The following XPO6 variants were observed in gnomAD, a reference collection of about 807,000 sequenced individuals.
XPO6 encodes exportin 6, also known as exportin-6.
Under a neutral mutation model 130.0 loss-of-function variants are expected in XPO6, and 3 were observed. That is an observed-to-expected ratio of 0.02 (90% CI 0.01 to 0.06). The LOEUF (loss-of-function observed/expected upper bound fraction) is 0.06. XPO6 is among the 10% of genes least tolerant of loss of function. The probability of loss-of-function intolerance (pLI) is 1.00; values close to 1 mark genes in which losing one functional copy is unlikely to be tolerated. For missense variants in XPO6, 970 were observed against 1,393.0 expected, an observed-to-expected ratio of 0.70 and a Z score of 4.83; for synonymous variants, 524 against 548.9, an observed-to-expected ratio of 0.95 and a Z score of 0.63.
chr16:28,106,275 A>C lies in XPO6; in HGVS notation c.2613-61T>G. On this transcript the variant is annotated intron_variant, in intron 19 of 23. Transcript: ENST00000304658. This position sits in a 1 kb window ranked among gnomAD's most constrained non-coding sequence, Gnocchi z 4.2. The stretch of plus-strand genomic sequence containing the variant: ...TGTTTCTCTGGGGGCCAGCATGAAA[A>C]CCCATGCTGTGGCAAGTGCAGAACA... The C allele has an allele frequency of 6.2e-7, 1 of 1,606,508 alleles. No individual in the cohort carries two copies. The highest frequency in any genetic ancestry group is 8.5e-7 in the Non-Finnish European group (1 of 1,174,594).
At chr16:28,149,128 A>G (rs376037045) in intron 8 of XPO6, among the ~76,000 whole-genome samples, 1 of 151,952 alleles carries the variant, frequency 6.6e-6, no homozygotes, top group African/African-American at 2.4e-5. Context: ...CCCCCAGGGT[A>G]TACCATCTCA....
Position 28,101,684 on chromosome 16 carries a change from A to G in XPO6, c.3050T>C (p.Ile1017Thr). 1 of 1,605,920 alleles carries G rather than the reference A, an allele frequency of 6.2e-7. No homozygotes were observed. The highest frequency in any genetic ancestry group is 8.5e-7 in the Non-Finnish European group (1 of 1,173,512). The part of the protein sequence containing the change: ...NTKQKLYHKK[I>T]FRTAMLFQFV... Reference sequence around the variant, plus strand: ...CTGGAACAGCATGGCAGTCCGGAAGATCTTCTGCAGGCAGAGAGACCAGGT... The same window carrying G: ...CTGGAACAGCATGGCAGTCCGGAAGGTCTTCTGCAGGCAGAGAGACCAGGT... Residue 1017 changes from isoleucine (I) to threonine (T), a missense_variant, in exon 23 of 24, where the codon ATC becomes ACC. By Grantham distance (89) the Ile-to-Thr change is moderately conservative. Transcript: ENST00000304658. The surrounding 1 kb of genome is among the most constrained non-coding windows in gnomAD (Gnocchi z 5.4).
chr16:28,158,946 C>CA (rs2141831238), intron 6 of XPO6, among the ~76,000 whole-genome samples: 1 of 152,166 alleles, frequency 6.6e-6, no homozygotes, highest in African/African-American at 2.4e-5. Context: ...ACTATAACAA[C>CA]AGGCCAGGAG....
chr16:28,104,463 G>A (rs1167606028), intron 21 of XPO6, 83 bp downstream of exon 21: 11 of 1,532,710 alleles, frequency 7.2e-6, no homozygotes, highest in African/African-American at 1.4e-5. Context: ...TCAGACCCGA[G>A]ACTGTGGGGC....
chr16:28,152,929 C>G (rs761841297), intron 7 of XPO6, 144 bp from the exon 8 acceptor site: 2 of 1,372,502 alleles, frequency 1.5e-6, no homozygotes, highest in Non-Finnish European at 1.9e-6. Flanking sequence ...GCAACAATTA[C>G]CTACAGGACA....
At chr16:28,208,161 A>G (rs2044063585) in intron 1 of XPO6, among the ~76,000 whole-genome samples, 1 of 152,224 alleles carries the variant, frequency 6.6e-6, no homozygotes, top group African/African-American at 2.4e-5. Context: ...AAAGAAAGAA[A>G]AAACAAGTAA....
At chr16:28,103,541 CT>C (rs2086698899) in intron 21 of XPO6, among the ~76,000 whole-genome samples, 1 of 152,238 alleles carries the variant, frequency 6.6e-6, no homozygotes, top group Non-Finnish European at 1.5e-5. Flanking sequence ...ACACACTTAA[CT>C]TTAAAAGAAA....
Position 28,125,692 on chromosome 16 carries a change from T to C in XPO6, c.1763A>G (p.Glu588Gly). 6.2e-7 allele frequency: 1 copy of C among 1,613,738 alleles called. No individual in the cohort carries two copies. Among genetic ancestry groups the C allele is most frequent in the Non-Finnish European group, 8.5e-7 (1 of 1,179,786 alleles). ...CATAAGGTAACTGCCAGCCTACCTT[T>C]CCACGACTGTGAGGGCATCATTGAA... is the stretch of plus-strand genomic sequence containing the variant. ...ARFNDALTVV[E>G]RLVKVTLYGS... is the part of the protein sequence containing the mutation. The change falls in exon 13 of 24, where the codon GAA (glutamate) becomes GGA (glycine). Residue 588 changes from glutamate to glycine, a missense_variant. Glu to Gly is a moderately conservative substitution (Grantham distance 98). Coordinates refer to ENST00000304658, the MANE Select transcript of XPO6 (RefSeq NM_015171.4).
intron 14 of XPO6, among the ~76,000 whole-genome samples, chr16:28,118,481 C>A (rs1459818560): frequency 6.6e-6 from 1 of 152,088 alleles, no homozygotes; most frequent in Admixed American, 6.5e-5. Flanking sequence ...CTGCTTCAGC[C>A]TCCCAAGTAG....
rs1177502922 is a variant in XPO6, at chr16:28,098,423, C to G, written c.*115G>C. ...CGGCAGAGGCAGGCAGCGTTGCTTG[C>G]GGTGGGAGAAGCCAAGGAGTGTGAC... On this transcript the variant is annotated 3_prime_UTR_variant, in exon 24 of 24. Coordinates refer to ENST00000304658, the MANE Select transcript of XPO6 (RefSeq NM_015171.4). 12 of 863,302 alleles carry G rather than the reference C, an allele frequency of 1.4e-5. No individual in the cohort carries two copies. The East Asian group carries it at 3.1e-4, about 22-fold the overall frequency. 53.5% of individuals were successfully genotyped at this position (863,302 alleles called of 1,614,324 possible). A position where few individuals can be genotyped will look rare whatever the true frequency, so the allele number is the denominator to read the frequency against.
Position 28,101,665 on chromosome 16 carries a change from C to A in XPO6, c.3069G>T (p.Leu1023=). 1 of 1,609,090 alleles carries A rather than the reference C, an allele frequency of 6.2e-7. No homozygotes were observed. The change falls in exon 23 of 24, where the codon CTG becomes CTT. Residue 1023 remains leucine (L), a synonymous_variant. Transcript: ENST00000304658. The surrounding 1 kb of genome is among the most constrained non-coding windows in gnomAD (Gnocchi z 5.4). ...YHKKIFRTAM[L]FQFVNVLLQV... ...GGAGCAGCACGTTCACAAACTGGAA[C>A]AGCATGGCAGTCCGGAAGATCTTCT...
At chr16:28,113,245 C>T (rs762065552) in intron 15 of XPO6, among the ~76,000 whole-genome samples, 195 bp from the exon 16 acceptor site, 9 of 152,240 alleles carry the variant, frequency 5.9e-5, no homozygotes, top group African/African-American at 1.4e-4. Flanking sequence ...CAGCTCCTGC[C>T]GCAGCCATTA....
intron 7 of XPO6, chr16:28,154,438 T>G (rs1345643426): frequency 3.2e-6 from 1 of 310,800 alleles, no homozygotes; most frequent in Non-Finnish European, 4.7e-6. Context: ...TAATGAACAG[T>G]AGAAAGTTAG....
At chr16:28,135,443 G>A (rs543426393) in intron 9 of XPO6, 119 bp from the exon 10 acceptor site, 7 of 766,114 alleles carry the variant, frequency 9.1e-6, no homozygotes, top group African/African-American at 3.5e-5. Flanking sequence ...AAAGAGCATC[G>A]AAATTCCTGA....
intron 9 of XPO6, among the ~76,000 whole-genome samples, chr16:28,139,498 G>T (rs2042845492): frequency 6.6e-6 from 1 of 152,098 alleles, no homozygotes; most frequent in Non-Finnish European, 1.5e-5. Flanking sequence ...GCAATGTCTG[G>T]GTAAATCTAA....
chr16:28,108,008 C>G (rs191156043), intron 17 of XPO6, among the ~76,000 whole-genome samples: 1 of 152,024 alleles, frequency 6.6e-6, no homozygotes, highest in Non-Finnish European at 1.5e-5. Flanking sequence ...AATAAATGTA[C>G]CCCCAGGTTG....
intron 7 of XPO6, chr16:28,153,219 G>C: frequency 1.0e-6 from 1 of 993,460 alleles, no homozygotes; most frequent in Non-Finnish European, 1.2e-6. Context: ...GGCTACGAAG[G>C]GCATGGCATC....
chr16:28,196,007 T>C (rs1034894719), intron 1 of XPO6, among the ~76,000 whole-genome samples: 3 of 152,162 alleles, frequency 2.0e-5, no homozygotes, highest in Non-Finnish European at 4.4e-5. Context: ...GCCTAGAAGT[T>C]TTCTGTTTAT....
At chr16:28,189,256 T>TAA (rs2043747102) in intron 1 of XPO6, among the ~76,000 whole-genome samples, 1 of 84,914 alleles carries the variant, frequency 1.2e-5, no homozygotes, top group East Asian at 6.0e-4. Flanking sequence ...GACACTTCCT[T>TAA]TAAAAAAAAA....
Sources: allele counts gnomAD v4.1 joint callset (sites outside exome capture counted in the v4.1 genomes callset), GRCh38; gene constraint gnomAD v4.1.1; non-coding constraint Gnocchi (gnomAD v3.1); transcripts MANE v1.5; gene names NCBI Gene and HGNC (gene_info 2026-07-23, HGNC 2026-07-21).